Variants in CCDC148 observed in about 807,000 individuals in gnomAD.
CCDC148 encodes coiled-coil domain containing 148, also known as coiled-coil domain-containing protein 148.
Under a neutral mutation model 85.7 loss-of-function variants are expected in CCDC148, and 89 were observed. The observed-to-expected ratio is 1.04, with a 90% CI of 0.87 to 1.24. The LOEUF (loss-of-function observed/expected upper bound fraction) is 1.24, where lower values mean the gene tolerates loss of function less well. CCDC148 is among the 50% of genes most tolerant of loss of function. The probability of loss-of-function intolerance (pLI) is 0.00; values close to 1 mark genes in which losing one functional copy is unlikely to be tolerated. For synonymous variants in CCDC148, 230 were observed against 213.9 expected (o/e 1.08, Z -0.66); for missense variants, 692 against 671.7 (o/e 1.03, Z -0.33).
chr2:158,419,415 T>G (rs1379550230), intron 1 of CCDC148, among the ~76,000 whole-genome samples: 2 of 152,210 alleles, frequency 1.3e-5, no homozygotes, highest in Admixed American at 6.5e-5. Flanking sequence ...CTCTCAATTT[T>G]CCATGATAAA....
chr2:158,184,485 C>T (rs181311542), intron 11 of CCDC148, among the ~76,000 whole-genome samples: 1 of 152,210 alleles, frequency 6.6e-6, no homozygotes, highest in Admixed American at 6.5e-5. Flanking sequence ...AATTTGTGGT[C>T]TGTTATGTAT....
chr2:158,293,627 G>A (rs1396945307), intron 9 of CCDC148, among the ~76,000 whole-genome samples: 1 of 152,086 alleles, frequency 6.6e-6, no homozygotes, highest in Admixed American at 6.5e-5. Flanking sequence ...GGAGAACTAT[G>A]CTGATCAGAG....
chr2:158,297,007 T>C (rs532622661), intron 9 of CCDC148, among the ~76,000 whole-genome samples: 2 of 152,290 alleles, frequency 1.3e-5, no homozygotes, highest in East Asian at 3.9e-4. Context: ...AACTTCTCCA[T>C]AAATGCTCCC....
intron 13 of CCDC148, among the ~76,000 whole-genome samples, chr2:158,173,464 T>C (rs1335282163): frequency 6.6e-6 from 1 of 152,062 alleles, no homozygotes; most frequent in Non-Finnish European, 1.5e-5. Flanking sequence ...TGGGTCTGAT[T>C]GTAAGTTCAG....
chr2:158,269,112 C>A (rs1689591781), intron 9 of CCDC148, among the ~76,000 whole-genome samples: 1 of 152,104 alleles, frequency 6.6e-6, no homozygotes, highest in African/African-American at 2.4e-5. Flanking sequence ...GGTAGTTCTA[C>A]TTTTAATTTT....
chr2:158,428,699 T>C (rs529416937), intron 1 of CCDC148, among the ~76,000 whole-genome samples: 2 of 151,692 alleles, frequency 1.3e-5, no homozygotes, highest in South Asian at 4.2e-4. Flanking sequence ...GACTTTAAAC[T>C]AGTTCAACCA....
chr2:158,448,869 C>T (rs1032843022), intron 1 of CCDC148, among the ~76,000 whole-genome samples: 1 of 151,982 alleles, frequency 6.6e-6, no homozygotes, highest in African/African-American at 2.4e-5. Flanking sequence ...GCTCTGTCAC[C>T]CAGGCTGGAG....
intron 10 of CCDC148, among the ~76,000 whole-genome samples, chr2:158,230,189 A>G (rs1687783323): frequency 6.6e-6 from 1 of 152,230 alleles, no homozygotes; most frequent in Admixed American, 6.6e-5. Flanking sequence ...AAAAAAATAA[A>G]GCCTCTGTCT....
intron 11 of CCDC148, among the ~76,000 whole-genome samples, chr2:158,212,712 G>A (rs1038873983): frequency 1.3e-5 from 2 of 152,088 alleles, no homozygotes; most frequent in African/African-American, 4.8e-5. Flanking sequence ...GGAAAGCAAC[G>A]TTTTCTCCAC....
chr2:158,225,718 T>G (rs1328070660), intron 10 of CCDC148, among the ~76,000 whole-genome samples: 3 of 152,070 alleles, frequency 2.0e-5, no homozygotes, highest in African/African-American at 4.8e-5. Context: ...GGGTACATAA[T>G]GAAATGAAGG....
At chr2:158,211,626 AG>A (rs778846749) in intron 11 of CCDC148, among the ~76,000 whole-genome samples, 28 of 152,334 alleles carry the variant, frequency 1.8e-4, no homozygotes, top group South Asian at 8.3e-4. Context: ...TAAACAACAA[AG>A]TAAAAGCAGC....
intron 11 of CCDC148, among the ~76,000 whole-genome samples, chr2:158,218,921 G>A (rs1453711661): frequency 2.0e-5 from 3 of 152,174 alleles, no homozygotes; most frequent in East Asian, 1.9e-4. Flanking sequence ...TGTGCATTTC[G>A]TCCAGAAAAT....
At chr2:158,220,895 G>T (rs11896761) in intron 10 of CCDC148, among the ~76,000 whole-genome samples, 182 bp from the exon 11 acceptor site, 1 of 151,960 alleles carries the variant, frequency 6.6e-6, no homozygotes, top group African/African-American at 2.4e-5. Context: ...AAACACAAAG[G>T]TAGATGCCCT....
intron 1 of CCDC148, among the ~76,000 whole-genome samples, chr2:158,377,284 G>A (rs998609385): frequency 6.6e-6 from 1 of 151,792 alleles, no homozygotes; most frequent in Non-Finnish European, 1.5e-5. Flanking sequence ...ATGGTGTGGG[G>A]GGGGTGGGGT....
chr2:158,214,121 T>TAAAAA (rs70990697), intron 11 of CCDC148, among the ~76,000 whole-genome samples: 148 of 96,316 alleles, frequency 1.5e-3, no homozygotes, highest in Middle Eastern at 0.011. Context: ...AACATTGTGG[T>TAAAAA]AAAAAAAAAA....
At chr2:158,359,038 G>A (rs898392777) in intron 1 of CCDC148, among the ~76,000 whole-genome samples, 5 of 151,866 alleles carry the variant, frequency 3.3e-5, no homozygotes, top group Non-Finnish European at 5.9e-5. Flanking sequence ...TTGAAAAAAC[G>A]GTTGAAACTG....
chr2:158,297,186 A>G (rs192102666), intron 9 of CCDC148, among the ~76,000 whole-genome samples: 1 of 152,290 alleles, frequency 6.6e-6, no homozygotes, highest in East Asian at 1.9e-4. Context: ...CTGGACACCC[A>G]AGTTCCTCCA....
intron 1 of CCDC148, among the ~76,000 whole-genome samples, chr2:158,392,511 T>G (rs1685355418): frequency 6.6e-6 from 1 of 152,106 alleles, no homozygotes; most frequent in Non-Finnish European, 1.5e-5. Flanking sequence ...TTTAGATTTT[T>G]GGATTTGAGA....
chr2:158,400,901 G>A (rs889471432), intron 1 of CCDC148, among the ~76,000 whole-genome samples: 4 of 152,176 alleles, frequency 2.6e-5, no homozygotes, highest in Non-Finnish European at 5.9e-5. Context: ...GATATGAACA[G>A]ACACTTCTCA....
Sources: gnomAD v4.1 joint callset for allele counts (sites outside exome capture counted in the v4.1 genomes callset) on GRCh38, gnomAD v4.1.1 for gene constraint, MANE v1.5 for transcripts, NCBI Gene and HGNC (gene_info 2026-07-23, HGNC 2026-07-21) for gene names.